The following SIK3 variants were observed in gnomAD, a reference collection of about 807,000 sequenced individuals.
SIK3 encodes SIK family kinase 3.
In SIK3, 28 loss-of-function variants were observed where a neutral mutation model predicts 144.2. The ratio of observed to expected loss-of-function variants is 0.19; its 90% CI spans 0.14 to 0.27. SIK3 has a LOEUF of 0.27. Among genes scored for constraint, SIK3 ranks in the 10% least tolerant of loss-of-function variants. The probability of loss-of-function intolerance (pLI) is 1.00; values close to 1 mark genes in which losing one functional copy is unlikely to be tolerated. For synonymous variants in SIK3, 686 were observed against 676.3 expected (o/e 1.01, Z -0.22); for missense variants, 1,319 against 1,776.0 (o/e 0.74, Z 4.62).
chr11:117,052,375 T>C (rs376136810), intron 1 of SIK3, among the ~76,000 whole-genome samples: 13 of 152,158 alleles, frequency 8.5e-5, no homozygotes, highest in South Asian at 2.1e-4. Flanking sequence ...CCAGTTACTA[T>C]TGCAGTAGCC....
intron 1 of SIK3, among the ~76,000 whole-genome samples, chr11:117,078,684 T>A (rs1350553198): frequency 2.6e-5 from 4 of 152,170 alleles, no homozygotes; most frequent in African/African-American, 9.7e-5. Context: ...ATTATAGGCG[T>A]GAGCCACCAC....
chr11:116,891,053 C>T (rs1378557582), intron 6 of SIK3, among the ~76,000 whole-genome samples: 2 of 152,050 alleles, frequency 1.3e-5, no homozygotes, highest in Non-Finnish European at 2.9e-5. Context: ...GCTGGCTGGG[C>T]GCAGTGGCTC....
chr11:117,038,388 G>A (rs927702276), intron 1 of SIK3, among the ~76,000 whole-genome samples: 3 of 144,560 alleles, frequency 2.1e-5, no homozygotes, highest in Non-Finnish European at 3.0e-5. Flanking sequence ...ACAGAGTCTC[G>A]CTCTGTCTCC....
chr11:116,975,539 T>C (rs1266164070), intron 1 of SIK3, among the ~76,000 whole-genome samples: 2 of 152,244 alleles, frequency 1.3e-5, no homozygotes, highest in Non-Finnish European at 2.9e-5. Flanking sequence ...CATGTATCAG[T>C]ACTTCATTAC....
chr11:116,986,519 C>T (rs1345703760), intron 1 of SIK3, among the ~76,000 whole-genome samples: 3 of 152,184 alleles, frequency 2.0e-5, no homozygotes, highest in African/African-American at 7.2e-5. Context: ...CCCTAACTTT[C>T]AACAGATGAC....
intron 6 of SIK3, among the ~76,000 whole-genome samples, chr11:116,878,676 G>T (rs564970246): frequency 2.0e-5 from 3 of 152,164 alleles, no homozygotes; most frequent in Admixed American, 2.0e-4. Flanking sequence ...CACCGCGCTT[G>T]GCCCCCTACT....
chr11:116,858,737 C>T lies in SIK3; in HGVS notation c.2766-38G>A, dbSNP rs1266185672. ...AAGGGAGTACCAGACATCCATGTAA[C>T]AAGTACTAGACTTCCTGGGAACAGC... is the stretch of plus-strand genomic sequence containing the variant. On this transcript the variant is annotated intron_variant, in intron 20 of 24. Coordinates refer to ENST00000445177, the MANE Select transcript of SIK3 (RefSeq NM_001366686.3). The surrounding 1 kb of genome is among the most constrained non-coding windows in gnomAD (Gnocchi z 5.4). 3 of 1,519,110 alleles carry T rather than the reference C, an allele frequency of 2.0e-6. No individual in the cohort carries two copies. The highest frequency in any genetic ancestry group is 2.6e-6 in the Non-Finnish European group (3 of 1,133,672). The allele number at this position is 1,519,110 out of a possible 1,614,324, so 94.1% of individuals were successfully genotyped here.
chr11:116,873,616 C>A lies in SIK3; in HGVS notation c.1602G>T (p.Pro534=). Reference sequence around the variant, plus strand: ...TTCCATTCAACAGCTGTAGCGTGGGCGGCTGTAGGAGAGACTGCTCCTGCC... The same window carrying A: ...TTCCATTCAACAGCTGTAGCGTGGGAGGCTGTAGGAGAGACTGCTCCTGCC... ...LEYKEQSLLQ[P]PTLQLLNGMG... is the part of the protein sequence containing the mutation. Residue 534 remains proline (P), a synonymous_variant, in exon 13 of 25, where the codon CCG becomes CCT. Transcript: ENST00000445177. 1 of 1,573,596 alleles carries A rather than the reference C, an allele frequency of 6.4e-7. No homozygotes were observed.
chr11:116,856,466 C>G (rs975293623), intron 21 of SIK3, among the ~76,000 whole-genome samples: 1 of 152,176 alleles, frequency 6.6e-6, no homozygotes, highest in Non-Finnish European at 1.5e-5. Flanking sequence ...AATCTAATCC[C>G]TTCTTCCATC....
intron 1 of SIK3, among the ~76,000 whole-genome samples, chr11:117,031,762 C>T (rs929852312): frequency 7.9e-6 from 1 of 125,798 alleles, no homozygotes; most frequent in Non-Finnish European, 1.6e-5. Context: ...AGGCTGGTTT[C>T]GAATGCCTGA....
rs1389465809 is a variant in SIK3, at chr11:116,861,270, T to C, written c.2425+4A>G. 1 of 1,583,526 alleles carries C rather than the reference T, an allele frequency of 6.3e-7. No homozygotes were observed. The highest frequency in any genetic ancestry group is 8.6e-7 in the Non-Finnish European group (1 of 1,164,930). ...AACTGTTTGGTCTGAACCTCTCCAC[T>C]CACCGTGAGGCTGGATCATGGCACT... On this transcript the variant is annotated splice_donor_region_variant and intron_variant, in intron 19 of 24. Coordinates refer to ENST00000445177, the MANE Select transcript of SIK3 (RefSeq NM_001366686.3).
chr11:117,006,671 A>G (rs1297034076), intron 1 of SIK3, among the ~76,000 whole-genome samples: 3 of 152,092 alleles, frequency 2.0e-5, no homozygotes, highest in Non-Finnish European at 4.4e-5. Context: ...GAAAAAAAAG[A>G]TCTTCACAAA....
chr11:116,946,162 C>G (rs1469798707), intron 3 of SIK3, among the ~76,000 whole-genome samples: 2 of 152,226 alleles, frequency 1.3e-5, no homozygotes, highest in Non-Finnish European at 2.9e-5. Context: ...ATCTTCCCCA[C>G]TACTGCATCT....
chr11:117,056,518 G>A (rs1451806887), intron 1 of SIK3, among the ~76,000 whole-genome samples: 1 of 148,568 alleles, frequency 6.7e-6, no homozygotes, highest in Non-Finnish European at 1.5e-5. Context: ...AGAACTTAAA[G>A]TATAATAAAA....
At chr11:117,038,684 C>T (rs1952615519) in intron 1 of SIK3, among the ~76,000 whole-genome samples, 1 of 150,602 alleles carries the variant, frequency 6.6e-6, no homozygotes, top group Admixed American at 6.7e-5. Context: ...AATGACTCTC[C>T]TCTCCTTTTA....
At chr11:117,052,433 G>A (rs557121440) in intron 1 of SIK3, among the ~76,000 whole-genome samples, 10 of 152,184 alleles carry the variant, frequency 6.6e-5, no homozygotes, top group African/African-American at 2.4e-4. Context: ...TGACCATAAG[G>A]GGCTTAAGAG....
intron 1 of SIK3, among the ~76,000 whole-genome samples, chr11:117,004,128 C>A (rs185078540): frequency 2.0e-5 from 3 of 152,184 alleles, no homozygotes; most frequent in Admixed American, 1.3e-4. Context: ...AGAATGCAAC[C>A]CTGAATTTAA....
At chr11:117,047,497 A>G (rs1015252509) in intron 1 of SIK3, among the ~76,000 whole-genome samples, 1 of 152,228 alleles carries the variant, frequency 6.6e-6, no homozygotes, top group African/African-American at 2.4e-5. Flanking sequence ...ATTTCAGGAA[A>G]GAGTATAAAT....
rs191035489 is a variant in SIK3 at position 117,074,759 on chromosome 11, C to T, written c.273+23384G>A. Among the ~76,000 whole-genome samples the T allele has an allele frequency of 7.1e-4, 107 of 151,508 alleles. No homozygotes were observed. The East Asian group carries it at 0.015, about 21-fold the overall frequency. ...CCAACATGGTGAAACCCTGTCTCTA[C>T]TAAAAATACAAAAAAAAATTAGCCA... On this transcript the variant is annotated intron_variant, in intron 1 of 24. Transcript: ENST00000445177.
Sources: gnomAD v4.1 joint callset for allele counts (sites outside exome capture counted in the v4.1 genomes callset) on GRCh38, gnomAD v4.1.1 for gene constraint, Gnocchi (gnomAD v3.1) non-coding constraint, MANE v1.5 for transcripts, NCBI Gene and HGNC (gene_info 2026-07-23, HGNC 2026-07-21) for gene names.